ZBTB46: variants seen among roughly 807,000 people sequenced by gnomAD.
ZBTB46 encodes zinc finger and BTB domain containing 46.
In ZBTB46, 8 loss-of-function variants were observed where a neutral mutation model predicts 44.1. The observed-to-expected ratio is 0.18, with a 90% CI of 0.11 to 0.33. ZBTB46 has a LOEUF of 0.33. ZBTB46 is among the 10% of genes least tolerant of loss of function. The probability of loss-of-function intolerance (pLI) is 1.00; values close to 1 mark genes in which losing one functional copy is unlikely to be tolerated. For synonymous variants in ZBTB46, 409 were observed against 382.3 expected, an observed-to-expected ratio of 1.07 and a Z score of -0.81; for missense variants, 651 against 847.7, an observed-to-expected ratio of 0.77 and a Z score of 2.88.
intron 3 of ZBTB46, among the ~76,000 whole-genome samples, chr20:63,772,417 CT>C (rs1439182755): frequency 6.6e-6 from 1 of 152,100 alleles, no homozygotes. Flanking sequence ...CACAGATGAA[CT>C]AAAAACTGAG....
intron 3 of ZBTB46, among the ~76,000 whole-genome samples, chr20:63,772,725 ACACACAC>A: frequency 1.1e-4 from 1 of 9,168 alleles, no homozygotes; most frequent in African/African-American, 6.2e-4. Context: ...TCTCAAAAAC[ACACACAC>A]ACACACACAC....
chr20:63,831,345 G>C (rs1167049521), upstream of ZBTB46: 1 of 138,074 alleles, frequency 7.2e-6, no homozygotes, highest in African/African-American at 2.6e-5. Flanking sequence ...CCCGCCCCCC[G>C]GCGCGCGCCC....
chr20:63,771,982 G>A (rs917300760), intron 3 of ZBTB46, among the ~76,000 whole-genome samples: 2 of 148,326 alleles, frequency 1.3e-5, no homozygotes, highest in Non-Finnish European at 3.0e-5. Context: ...CGTGTTTACA[G>A]AAAACAAAAG....
chr20:63,765,180 G>C (rs999555555), intron 3 of ZBTB46, among the ~76,000 whole-genome samples: 3 of 151,906 alleles, frequency 2.0e-5, no homozygotes, highest in African/African-American at 7.3e-5. Context: ...GCAGAAGCTG[G>C]GGTCCTCCTC....
chr20:63,823,548 A>G (rs955039414), intron 1 of ZBTB46, among the ~76,000 whole-genome samples: 1 of 151,964 alleles, frequency 6.6e-6, no homozygotes, highest in African/African-American at 2.4e-5. Context: ...CAAAAATAAA[A>G]AAATTGGCCG....
chr20:63,807,439 A>C (rs924474502), intron 1 of ZBTB46, among the ~76,000 whole-genome samples: 1 of 152,042 alleles, frequency 6.6e-6, no homozygotes, highest in Non-Finnish European at 1.5e-5. Context: ...CTACCTCCCG[A>C]GTTCGAGTGA....
At chr20:63,791,033 G>T (rs2092556837) in intron 1 of ZBTB46, 1 of 456,594 alleles carries the variant, frequency 2.2e-6, no homozygotes, top group African/African-American at 2.0e-5. Context: ...CCGTGCTCGA[G>T]GCTAATGGGG....
intron 1 of ZBTB46, among the ~76,000 whole-genome samples, chr20:63,806,275 C>G (rs558863169): frequency 6.6e-6 from 1 of 150,618 alleles, no homozygotes; most frequent in African/African-American, 2.4e-5. Context: ...GGCATGGTGA[C>G]GGGTGCCTGT....
upstream of ZBTB46, among the ~76,000 whole-genome samples, chr20:63,831,497 C>G (rs1165742025): frequency 1.4e-5 from 2 of 146,550 alleles, no homozygotes; most frequent in Non-Finnish European, 3.0e-5. Flanking sequence ...CGCCGGGGGT[C>G]CGTTCTCCCC....
intron 1 of ZBTB46, among the ~76,000 whole-genome samples, chr20:63,812,685 G>A (rs73624733): frequency 1.3e-5 from 2 of 151,840 alleles, no homozygotes; most frequent in Non-Finnish European, 2.9e-5. Flanking sequence ...AGGCTGAGGC[G>A]GGAGAATCAC....
intron 2 of ZBTB46, among the ~76,000 whole-genome samples, chr20:63,780,698 A>T (rs1411168551): frequency 6.6e-6 from 1 of 151,922 alleles, no homozygotes; most frequent in African/African-American, 2.4e-5. Context: ...GCTACTCGGG[A>T]GGCTGAGGCA....
At chr20:63,820,933 C>G (rs1600723644) in intron 1 of ZBTB46, among the ~76,000 whole-genome samples, 2 of 151,714 alleles carry the variant, frequency 1.3e-5, no homozygotes, top group African/African-American at 4.8e-5. Flanking sequence ...GCTCTTGTTG[C>G]CCAGGCTAGA....
intron 1 of ZBTB46, among the ~76,000 whole-genome samples, chr20:63,792,578 T>G (rs2092570340): frequency 6.6e-6 from 1 of 152,096 alleles, no homozygotes; most frequent in East Asian, 1.9e-4. Context: ...GTGCAGTGGT[T>G]TGATCTCCGC....
At chr20:63,773,539 G>A (rs962413623) in intron 3 of ZBTB46, among the ~76,000 whole-genome samples, 4 of 152,124 alleles carry the variant, frequency 2.6e-5, no homozygotes, top group East Asian at 1.9e-4. Flanking sequence ...TGTATACGAC[G>A]GTCTGAGAGA....
chr20:63,795,950 A>G (rs1265843371), intron 1 of ZBTB46, among the ~76,000 whole-genome samples: 1 of 152,124 alleles, frequency 6.6e-6, no homozygotes, highest in Non-Finnish European at 1.5e-5. Flanking sequence ...GCCTTTGAAG[A>G]CTGTAAACAG....
Position 63,775,677 on chromosome 20 carries a change from C to G in ZBTB46, c.1222+1G>C. On this transcript the variant is annotated splice_donor_variant, in intron 3 of 4. Transcript: ENST00000245663. LOFTEE classifies it high-confidence loss of function. ...AAGCGGCCCCCAGGGCCTGCACTTA[C>G]GGGACAGCGAGTGGGCCCCTCTGGG... 6.4e-7 allele frequency: 1 copy of G among 1,563,250 alleles called. No individual in the cohort carries two copies.
Position 63,775,744 on chromosome 20 carries a change from C to CGCA in ZBTB46, c.1155_1156insTGC (p.Ala385_Asp386insCys). Reference sequence around the variant, plus strand: ...AGGGAGCCGTCATCCCCCAGCACGTCGGCCTTCAGCGACAGCAGGCTGTTC... The same window carrying CGCA: ...AGGGAGCCGTCATCCCCCAGCACGTCGCAGGCCTTCAGCGACAGCAGGCTGTTC... On this transcript the variant is annotated inframe_insertion, in exon 3 of 5. Coordinates refer to ENST00000245663, the MANE Select transcript of ZBTB46 (RefSeq NM_001369741.1). 6.2e-7 allele frequency: 1 copy of CGCA among 1,612,102 alleles called. No individual in the cohort carries two copies. The highest frequency in any genetic ancestry group is 1.3e-5 in the African/African-American group (1 of 75,046).
rs1320789865 is a variant in ZBTB46 at position 63,789,808 on chromosome 20, G to C, written c.937+13C>G. On this transcript the variant is annotated intron_variant, in intron 2 of 4. Coordinates refer to ENST00000245663, the MANE Select transcript of ZBTB46 (RefSeq NM_001369741.1). The stretch of plus-strand genomic sequence containing the variant: ...TGGGGCAGCTGAGCCCCCGTAACGA[G>C]TGAAAGGCTTACTTGAGTCTCGGCT... 2 of 1,599,520 alleles carry C rather than the reference G, an allele frequency of 1.3e-6. No individual in the cohort carries two copies. The highest frequency in any genetic ancestry group is 1.7e-5 in the Admixed American group (1 of 59,720).
chr20:63,769,442 C>G, intron 3 of ZBTB46: 5 of 985,354 alleles, frequency 5.1e-6, no homozygotes, highest in Non-Finnish European at 6.0e-6. Flanking sequence ...CTGCTGGGTT[C>G]TAGAGAGTTC....
Sources: allele counts gnomAD v4.1 joint callset (sites outside exome capture counted in the v4.1 genomes callset), GRCh38; gene constraint gnomAD v4.1.1; transcripts MANE v1.5; gene names NCBI Gene and HGNC (gene_info 2026-07-23, HGNC 2026-07-21).